Variants in TSHZ2 observed in about 807,000 individuals in gnomAD.
TSHZ2 encodes the protein teashirt homolog 2.
TSHZ2 carries 21 observed loss-of-function variants against 74.4 expected under a neutral mutation model. The observed-to-expected ratio is 0.28, with a 90% CI of 0.20 to 0.41. The LOEUF (loss-of-function observed/expected upper bound fraction) is 0.41, where lower values mean the gene tolerates loss of function less well. TSHZ2 is among the 10% of genes least tolerant of loss of function. The pLI, the probability that TSHZ2 is intolerant of heterozygous loss-of-function variation, is 1.00. For missense variants in TSHZ2, 1,244 were observed against 1,293.5 expected (o/e 0.96, Z 0.59); for synonymous variants, 540 against 515.3 (o/e 1.05, Z -0.65).
At chr20:53,183,167 C>T (rs2123517353) in intron 1 of TSHZ2, among the ~76,000 whole-genome samples, 1 of 152,296 alleles carries the variant, frequency 6.6e-6, no homozygotes, top group Non-Finnish European at 1.5e-5. Flanking sequence ...GGGCATTCTC[C>T]CAACCCAACC....
intron 2 of TSHZ2, among the ~76,000 whole-genome samples, chr20:53,367,435 A>T (rs1009850561): frequency 6.6e-6 from 1 of 151,924 alleles, no homozygotes. Flanking sequence ...AAATTTTTAA[A>T]TTTTTTAAAA....
At chr20:53,199,377 G>A (rs960160420) in intron 1 of TSHZ2, among the ~76,000 whole-genome samples, 3 of 152,128 alleles carry the variant, frequency 2.0e-5, no homozygotes, top group Admixed American at 6.5e-5. Flanking sequence ...AGGAAGCAGA[G>A]GCATGAGAAT....
intron 2 of TSHZ2, among the ~76,000 whole-genome samples, chr20:53,428,060 A>C (rs7508948): frequency 0.015 from 2,286 of 152,096 alleles, 67 homozygotes; most frequent in African/African-American, 0.051. Context: ...ACCAACTAAC[A>C]TCTCTATTTT....
chr20:53,386,801 C>A (rs1982062668), intron 2 of TSHZ2, among the ~76,000 whole-genome samples: 1 of 152,026 alleles, frequency 6.6e-6, no homozygotes, highest in Admixed American at 6.6e-5. Flanking sequence ...GATTTTGCTA[C>A]CTTCTATAAT....
At chr20:53,181,798 G>A (rs1988475513) in intron 1 of TSHZ2, among the ~76,000 whole-genome samples, 1 of 152,192 alleles carries the variant, frequency 6.6e-6, no homozygotes, top group Admixed American at 6.5e-5. Flanking sequence ...TGAGGCAGGA[G>A]AATGGCGTGA....
intron 1 of TSHZ2, among the ~76,000 whole-genome samples, chr20:53,081,911 T>TC (rs1985549088): frequency 6.6e-6 from 1 of 151,462 alleles, no homozygotes; most frequent in Admixed American, 6.6e-5. Flanking sequence ...TTTTTTTTTT[T>TC]CTGAGACAGA....
intron 2 of TSHZ2, among the ~76,000 whole-genome samples, chr20:53,378,143 C>T (rs959671539): frequency 2.0e-4 from 31 of 152,166 alleles, no homozygotes; most frequent in Admixed American, 4.6e-4. Flanking sequence ...AGTTCAATAC[C>T]AGCCTGGCCA....
At chr20:53,233,044 T>G (rs1989865447) in intron 1 of TSHZ2, among the ~76,000 whole-genome samples, 1 of 152,226 alleles carries the variant, frequency 6.6e-6, no homozygotes, top group Admixed American at 6.5e-5. Context: ...TGTGTTTATA[T>G]AAAAAGAAAA....
intron 1 of TSHZ2, among the ~76,000 whole-genome samples, chr20:53,250,067 C>G (rs1990291347): frequency 6.6e-6 from 1 of 152,026 alleles, no homozygotes; most frequent in South Asian, 2.1e-4. Context: ...ATCAGCTGTT[C>G]CAGGAATGGG....
rs1986487217 is a variant in TSHZ2 at position 53,492,986 on chromosome 20, T to G, written c.*5851T>G. The G allele has an allele frequency of 6.6e-6, 1 of 152,230 alleles. No individual in the cohort carries two copies. The highest frequency in any genetic ancestry group is 6.5e-5 in the Admixed American group (1 of 15,280). The allele number at this position is 152,230 out of a possible 1,614,324, so 9.4% of individuals were successfully genotyped here. ...GCAAGCGCACTAATTTTCTATCACCTGCATGCTGTATATAATACATTTGCC... is the reference window on the plus strand; with the variant it reads ...GCAAGCGCACTAATTTTCTATCACCGGCATGCTGTATATAATACATTTGCC... On this transcript the variant is annotated 3_prime_UTR_variant, in exon 3 of 3. Transcript: ENST00000371497.
At chr20:53,341,665 G>A (rs534800219) in intron 2 of TSHZ2, among the ~76,000 whole-genome samples, 7 of 151,840 alleles carry the variant, frequency 4.6e-5, no homozygotes, top group Non-Finnish European at 1.0e-4. Flanking sequence ...TCATTTCTTA[G>A]AACAGTTTTT....
chr20:53,351,404 A>G (rs745914924), intron 2 of TSHZ2, among the ~76,000 whole-genome samples: 3 of 152,232 alleles, frequency 2.0e-5, no homozygotes, highest in Non-Finnish European at 4.4e-5. Flanking sequence ...AGAATCTATG[A>G]TGGAGAAAAA....
chr20:53,244,298 T>C (rs1210652142), intron 1 of TSHZ2, among the ~76,000 whole-genome samples: 2 of 152,112 alleles, frequency 1.3e-5, no homozygotes, highest in African/African-American at 2.4e-5. Flanking sequence ...GTATAGAAAA[T>C]AAGCATGCAT....
At chr20:53,070,700 A>G (rs1320439613) in intron 1 of TSHZ2, among the ~76,000 whole-genome samples, 1 of 152,126 alleles carries the variant, frequency 6.6e-6, no homozygotes. Context: ...AGTGGCTTTT[A>G]TTGTTTCTGT....
chr20:53,340,348 AT>A (rs1980145948), intron 2 of TSHZ2, among the ~76,000 whole-genome samples: 1 of 151,570 alleles, frequency 6.6e-6, no homozygotes. Context: ...TGCCCAGCTA[AT>A]TTTTTGTATA....
At chr20:53,334,139 A>G (rs1273237603) in intron 2 of TSHZ2, among the ~76,000 whole-genome samples, 2 of 152,154 alleles carry the variant, frequency 1.3e-5, no homozygotes, top group South Asian at 2.1e-4. Flanking sequence ...GTAGACACCA[A>G]TGTTGCCCTA....
At chr20:53,188,441 G>A (rs2123533189) in intron 1 of TSHZ2, among the ~76,000 whole-genome samples, 1 of 152,190 alleles carries the variant, frequency 6.6e-6, no homozygotes, top group East Asian at 1.9e-4. Context: ...CTTGTTTCCT[G>A]GAGCCTGCTC....
intron 2 of TSHZ2, among the ~76,000 whole-genome samples, chr20:53,366,955 C>T (rs74512448): frequency 0.016 from 2,393 of 152,230 alleles, 62 homozygotes; most frequent in African/African-American, 0.05. Context: ...TTGGGCTGTG[C>T]GACTTAATCG....
chr20:53,058,748 A>T (rs868553795), intron 1 of TSHZ2, among the ~76,000 whole-genome samples: 8 of 152,206 alleles, frequency 5.3e-5, no homozygotes, highest in Non-Finnish European at 8.8e-5. Context: ...CAGGTGGCAA[A>T]TGTCTGTAAG....
Sources: allele counts gnomAD v4.1 joint callset (sites outside exome capture counted in the v4.1 genomes callset), GRCh38; gene constraint gnomAD v4.1.1; transcripts MANE v1.5; gene names NCBI Gene and HGNC (gene_info 2026-07-23, HGNC 2026-07-21).